SPATA12: variants seen among roughly 807,000 people sequenced by gnomAD.
SPATA12 encodes the protein spermatogenesis-associated protein 12.
For missense variants in SPATA12, 219 were observed against 226.4 expected (o/e 0.97, Z 0.21); for synonymous variants, 85 against 89.2 (o/e 0.95, Z 0.26).
At chr3:57,071,659 C>CAAAAAAAAAAAA in intron 1 of SPATA12, among the ~76,000 whole-genome samples, 1 of 124,920 alleles carries the variant, frequency 8.0e-6, no homozygotes, top group Non-Finnish European at 1.7e-5. Context: ...AACTCCATCT[C>CAAAAAAAAAAAA]AAAAAAAAAA....
chr3:57,072,598 C>A (rs1705973409), intron 1 of SPATA12, among the ~76,000 whole-genome samples: 1 of 150,888 alleles, frequency 6.6e-6, no homozygotes, highest in Non-Finnish European at 1.5e-5. Context: ...AAAAATTAGC[C>A]AGGCGTGGTG....
Position 57,075,382 on chromosome 3 carries a change from C to T in SPATA12, c.*1115C>T, listed in dbSNP as rs1366934345. 1 of 167,074 alleles carries T rather than the reference C, an allele frequency of 6.0e-6. No homozygotes were observed. 10.3% of individuals were successfully genotyped at this position (167,074 alleles called of 1,614,324 possible). A position where few individuals can be genotyped will look rare whatever the true frequency, so the allele number is the denominator to read the frequency against. On this transcript the variant is annotated 3_prime_UTR_variant, in exon 2 of 2. Coordinates refer to ENST00000334325, the MANE Select transcript of SPATA12 (RefSeq NM_181727.2). Reference sequence around the variant, plus strand: ...GTCAGTACCAGGGCAATGCCTCGCACAGAGTAGCCCTCTCTCCCTAAATGT... The same window carrying T: ...GTCAGTACCAGGGCAATGCCTCGCATAGAGTAGCCCTCTCTCCCTAAATGT...
chr3:57,062,362 G>A (rs762852102), intron 1 of SPATA12, among the ~76,000 whole-genome samples: 17 of 152,254 alleles, frequency 1.1e-4, no homozygotes, highest in East Asian at 1.9e-4. Flanking sequence ...GCTCCAGACC[G>A]GCTACCACAG....
At chr3:57,070,872 T>C (rs1180603460) in intron 1 of SPATA12, among the ~76,000 whole-genome samples, 2 of 149,040 alleles carry the variant, frequency 1.3e-5, no homozygotes, top group Admixed American at 6.8e-5. Flanking sequence ...CTTGGGAGGC[T>C]GAGGTGGGAG....
chr3:57,067,643 T>C (rs1327496561), intron 1 of SPATA12, among the ~76,000 whole-genome samples: 2 of 150,778 alleles, frequency 1.3e-5, no homozygotes, highest in African/African-American at 4.9e-5. Context: ...GAGACCAGCC[T>C]GGGTAATACA....
chr3:57,064,181 A>T (rs1346054340), intron 1 of SPATA12, among the ~76,000 whole-genome samples: 1 of 152,094 alleles, frequency 6.6e-6, no homozygotes, highest in Non-Finnish European at 1.5e-5. Flanking sequence ...AGGTCAGAGG[A>T]TTGCTTGAGC....
chr3:57,073,702 G>C lies in SPATA12; in HGVS notation c.8G>C (p.Ser3Thr), dbSNP rs1706060614. The C allele has an allele frequency of 5.0e-6, 8 of 1,613,444 alleles. No individual in the cohort carries two copies. The East Asian group carries it at 1.6e-4, about 31-fold the overall frequency. ...GTTTTTGACTTGGGCCCCATGTCCAGTTCTGCTCTGACTTGTGGGTCCACC... is the reference window on the plus strand; with the variant it reads ...GTTTTTGACTTGGGCCCCATGTCCACTTCTGCTCTGACTTGTGGGTCCACC... The part of the protein sequence containing the change: MS[S>T]SALTCGSTLE... The change falls in exon 2 of 2, where the codon AGT becomes ACT. Residue 3 changes from serine to threonine, a missense_variant. By Grantham distance (58) the Ser-to-Thr change is moderately conservative (BLOSUM62 1). Transcript: ENST00000334325.
At chr3:57,063,237 T>A (rs945326200) in intron 1 of SPATA12, among the ~76,000 whole-genome samples, 9 of 152,052 alleles carry the variant, frequency 5.9e-5, no homozygotes, top group Non-Finnish European at 1.0e-4. Context: ...AAGGGCAAAC[T>A]AAGAGAGGAG....
intron 1 of SPATA12, among the ~76,000 whole-genome samples, chr3:57,072,353 G>A (rs908483735): frequency 3.3e-5 from 5 of 151,946 alleles, no homozygotes; most frequent in African/African-American, 1.2e-4. Context: ...TAAAAGAGAG[G>A]AGAAATGTAT....
At chr3:57,062,741 A>G (rs1363431407) in intron 1 of SPATA12, among the ~76,000 whole-genome samples, 1 of 152,200 alleles carries the variant, frequency 6.6e-6, no homozygotes, top group Non-Finnish European at 1.5e-5. Context: ...ACACACACAT[A>G]CATACACATA....
chr3:57,068,885 T>A (rs1295619079), intron 1 of SPATA12, among the ~76,000 whole-genome samples: 1 of 151,986 alleles, frequency 6.6e-6, no homozygotes, highest in Non-Finnish European at 1.5e-5. Context: ...TTCCAACAAC[T>A]TAAATAAGGG....
Position 57,073,777 on chromosome 3 carries a change from G to C in SPATA12, c.83G>C (p.Arg28Thr). Reference protein sequence around the residue: ...TWEMKALDSSRLVPWPPRGLG... With the variant: ...TWEMKALDSSTLVPWPPRGLG... ...GAAATGAAGGCACTAGACTCTTCCAGACTCGTTCCATGGCCACCCAGAGGC... is the reference window on the plus strand; with the variant it reads ...GAAATGAAGGCACTAGACTCTTCCACACTCGTTCCATGGCCACCCAGAGGC... The change falls in exon 2 of 2, where the codon AGA becomes ACA. Residue 28 changes from arginine (R) to threonine (T), a missense_variant. Transcript: ENST00000334325. 1 of 1,614,224 alleles carries C rather than the reference G, an allele frequency of 6.2e-7. No individual in the cohort carries two copies. The highest frequency in any genetic ancestry group is 8.5e-7 in the Non-Finnish European group (1 of 1,180,048).
chr3:57,063,075 C>G (rs562744992), intron 1 of SPATA12, among the ~76,000 whole-genome samples: 1 of 152,240 alleles, frequency 6.6e-6, no homozygotes, highest in East Asian at 1.9e-4. Flanking sequence ...GACACGATGA[C>G]CAGGGAAGGC....
At chr3:57,070,835 G>C (rs1364503214) in intron 1 of SPATA12, among the ~76,000 whole-genome samples, 2 of 151,796 alleles carry the variant, frequency 1.3e-5, no homozygotes, top group Admixed American at 6.6e-5. Flanking sequence ...AGCTGGGTAT[G>C]GTTGCACACA....
rs1488314823 is a variant in SPATA12 at position 57,075,417 on chromosome 3, A to C, written c.*1150A>C. 6.0e-6 allele frequency: 1 copy of C among 166,988 alleles called. No individual in the cohort carries two copies. The highest frequency in any genetic ancestry group is 1.5e-5 in the Non-Finnish European group (1 of 68,124). The allele number at this position is 166,988 out of a possible 1,614,324, so 10.3% of individuals were successfully genotyped here. A position where few individuals can be genotyped will look rare whatever the true frequency, so the allele number is the denominator to read the frequency against. On this transcript the variant is annotated 3_prime_UTR_variant, in exon 2 of 2. Coordinates refer to ENST00000334325, the MANE Select transcript of SPATA12 (RefSeq NM_181727.2). The stretch of plus-strand genomic sequence containing the variant: ...CTCTCTCCCTAAATGTTTTTGAATA[A>C]ATGAAATAAATGAGCTAAGTGGCTA...
chr3:57,074,152 C>T lies in SPATA12; in HGVS notation c.458C>T (p.Ala153Val), dbSNP rs750206606. 1.2e-6 allele frequency: 2 copies of T among 1,614,108 alleles called. No individual in the cohort carries two copies. Among genetic ancestry groups the T allele is most frequent in the Non-Finnish European group, 8.5e-7 (1 of 1,180,016 alleles). ...TGGAGACTGTGTGAGGATATAGATG[C>T]CGAGCCCAGTAGCACAGGGTGCAGC... ...WLWRLCEDIDAEPSSTGCSRS... is the reference protein window; with the variant it reads ...WLWRLCEDIDVEPSSTGCSRS... The change falls in exon 2 of 2, where the codon GCC becomes GTC. Residue 153 changes from alanine (A) to valine (V), a missense_variant. Ala to Val is a moderately conservative substitution (Grantham distance 64). Transcript: ENST00000334325.
chr3:57,074,111 G>A lies in SPATA12; in HGVS notation c.417G>A (p.Arg139=). 1 of 1,613,684 alleles carries A rather than the reference G, an allele frequency of 6.2e-7. No homozygotes were observed. Among genetic ancestry groups the A allele is most frequent in the Non-Finnish European group, 8.5e-7 (1 of 1,179,584 alleles). ...FLGMEDGDNE[R]TTGWLWRLCE... ...GTATGGAAGATGGGGATAATGAGAG[G>A]ACCACAGGATGGTTGTGGAGACTGT... The change falls in exon 2 of 2, where the codon AGG becomes AGA. Residue 139 remains arginine, a synonymous_variant. Coordinates refer to ENST00000334325, the MANE Select transcript of SPATA12 (RefSeq NM_181727.2).
intron 1 of SPATA12, among the ~76,000 whole-genome samples, chr3:57,072,441 A>AT (rs1284303191): frequency 8.3e-6 from 1 of 119,884 alleles, no homozygotes; most frequent in Non-Finnish European, 2.0e-5. Context: ...CAAATAAAGA[A>AT]TTAAAAAAAA....
At position 57,074,656 on chromosome 3, in the gene SPATA12, C is replaced by T. The variant is rs1024401197; in HGVS notation, c.*389C>T. On this transcript the variant is annotated 3_prime_UTR_variant, in exon 2 of 2. Coordinates refer to ENST00000334325, the MANE Select transcript of SPATA12 (RefSeq NM_181727.2). Reference sequence around the variant, plus strand: ...CATCTCTTTATTGTTTCTATCAAAGCCTGCTAAGTAATTACTTTCCCTCTG... The same window carrying T: ...CATCTCTTTATTGTTTCTATCAAAGTCTGCTAAGTAATTACTTTCCCTCTG... 3 of 201,648 alleles carry T rather than the reference C, an allele frequency of 1.5e-5. No individual in the cohort carries two copies. The Admixed American group carries it at 1.6e-4, about 11-fold the overall frequency. The allele number at this position is 201,648 out of a possible 1,614,324, so 12.5% of individuals were successfully genotyped here.
Sources: gnomAD v4.1 joint callset for allele counts (sites outside exome capture counted in the v4.1 genomes callset) on GRCh38, gnomAD v4.1.1 for gene constraint, MANE v1.5 for transcripts, NCBI Gene and HGNC (gene_info 2026-07-23, HGNC 2026-07-21) for gene names.